The following ZBTB44 variants were observed in gnomAD, a reference collection of about 807,000 sequenced individuals.
The protein encoded by ZBTB44 is zinc finger and BTB domain containing 44, also known as zinc finger and BTB domain-containing protein 44.
ZBTB44 carries 15 observed loss-of-function variants against 54.0 expected under a neutral mutation model. That is an observed-to-expected ratio of 0.28 (90% CI 0.19 to 0.43). The LOEUF is 0.43. Ranked by LOEUF, ZBTB44 falls within the 20% of genes least tolerant of loss-of-function variation. The pLI is 1.00. For synonymous variants in ZBTB44, 230 were observed against 250.1 expected (o/e 0.92, Z 0.76); for missense variants, 487 against 707.1 (o/e 0.69, Z 3.53).
At chr11:130,302,403 G>C (rs1942033874) in intron 1 of ZBTB44, among the ~76,000 whole-genome samples, 1 of 152,148 alleles carries the variant, frequency 6.6e-6, no homozygotes, top group African/African-American at 2.4e-5. Flanking sequence ...TGGACACAAA[G>C]ACAAAGAGAA....
At chr11:130,256,121 T>C (rs1164208253) in intron 2 of ZBTB44, among the ~76,000 whole-genome samples, 1 of 152,048 alleles carries the variant, frequency 6.6e-6, no homozygotes, top group African/African-American at 2.4e-5. Context: ...TTCCAAAACC[T>C]GGCAGAGGCA....
intron 1 of ZBTB44, among the ~76,000 whole-genome samples, chr11:130,271,972 T>C (rs963454363): frequency 1.6e-4 from 24 of 152,272 alleles, no homozygotes; most frequent in African/African-American, 5.8e-4. Flanking sequence ...GGTTCACATC[T>C]GTAATCCTAG....
At chr11:130,254,548 T>C (rs1938285317) in intron 2 of ZBTB44, among the ~76,000 whole-genome samples, 1 of 152,124 alleles carries the variant, frequency 6.6e-6, no homozygotes, top group African/African-American at 2.4e-5. Context: ...CCAGTTAGAA[T>C]GGTGATCATT....
intron 1 of ZBTB44, chr11:130,295,572 C>G: frequency 1.4e-6 from 1 of 700,110 alleles, no homozygotes. Flanking sequence ...CTCACAGGAG[C>G]ATTTGAGGAT....
chr11:130,240,166 C>A (rs1314824703), intron 2 of ZBTB44, among the ~76,000 whole-genome samples: 3 of 151,830 alleles, frequency 2.0e-5, no homozygotes, highest in Non-Finnish European at 4.4e-5. Flanking sequence ...CTCAGCCTCC[C>A]GAGTAGCTGG....
chr11:130,292,587 C>T (rs1199170690), intron 1 of ZBTB44, among the ~76,000 whole-genome samples: 1 of 152,084 alleles, frequency 6.6e-6, no homozygotes, highest in African/African-American at 2.4e-5. Context: ...ATTTACGGTG[C>T]TTATTTTTGG....
At chr11:130,275,142 T>A (rs1275729890) in intron 1 of ZBTB44, among the ~76,000 whole-genome samples, 1 of 152,192 alleles carries the variant, frequency 6.6e-6, no homozygotes, top group Non-Finnish European at 1.5e-5. Flanking sequence ...ATTTCCTTCC[T>A]TATGCCTCCT....
chr11:130,273,278 A>G (rs1361268484), intron 1 of ZBTB44, among the ~76,000 whole-genome samples: 1 of 144,882 alleles, frequency 6.9e-6, no homozygotes, highest in Non-Finnish European at 1.5e-5. Context: ...TATTCTTTTG[A>G]TGTCACCATG....
chr11:130,294,538 C>CAAAAAAAAAAA (rs11322495), intron 1 of ZBTB44, among the ~76,000 whole-genome samples: 1 of 48,630 alleles, frequency 2.1e-5, no homozygotes, highest in African/African-American at 6.9e-5. Context: ...TCTATATGAC[C>CAAAAAAAAAAA]AAAAAAAAAA....
At chr11:130,303,782 T>G (rs888595113) in intron 1 of ZBTB44, among the ~76,000 whole-genome samples, 3 of 149,484 alleles carry the variant, frequency 2.0e-5, no homozygotes, top group Admixed American at 6.7e-5. Context: ...TAATTTTAAG[T>G]TTTTTTTTTA....
chr11:130,272,632 G>A (rs1939757698), intron 1 of ZBTB44, among the ~76,000 whole-genome samples: 1 of 150,584 alleles, frequency 6.6e-6, no homozygotes, highest in Non-Finnish European at 1.5e-5. Flanking sequence ...TCATGCTTTT[G>A]GTATCGTATC....
In ZBTB44 at chr11:130,237,972, A is replaced by T. The variant is rs1954183218; in HGVS notation, c.1267+472T>A. ...TAAAAAAATACAAACTACAAAGCTG[A>T]CTCATCAGGGCACACAGAGATTTAG... On this transcript the variant is annotated intron_variant, in intron 4 of 7. Coordinates refer to ENST00000357899, the MANE Select transcript of ZBTB44 (RefSeq NM_001301098.2). Among the ~76,000 whole-genome samples the T allele has an allele frequency of 2.0e-5, 3 of 152,236 alleles. No individual in the cohort carries two copies. In the South Asian group the frequency reaches 6.2e-4, roughly 31 times the overall value.
At chr11:130,279,679 C>T (rs1363986285) in intron 1 of ZBTB44, among the ~76,000 whole-genome samples, 1 of 152,058 alleles carries the variant, frequency 6.6e-6, no homozygotes, top group African/African-American at 2.4e-5. Flanking sequence ...AACCAACCAA[C>T]CAACCAACCA....
chr11:130,239,246 G>C (rs1306538968), intron 3 of ZBTB44: 1 of 152,542 alleles, frequency 6.6e-6, no homozygotes, highest in Non-Finnish European at 1.5e-5. Flanking sequence ...TGGGAGAAAG[G>C]CTGGAGAAGC....
intron 1 of ZBTB44, among the ~76,000 whole-genome samples, chr11:130,266,660 T>C (rs974489733): frequency 6.6e-6 from 1 of 152,210 alleles, no homozygotes; most frequent in South Asian, 2.1e-4. Context: ...CCAGCCTTCA[T>C]GGATGACTTT....
Position 130,272,843 on chromosome 11 carries a change from T to C in ZBTB44, c.-56-10914A>G, listed in dbSNP as rs114447999. Among the ~76,000 whole-genome samples the C allele has an allele frequency of 6.2e-3, 939 of 152,340 alleles. 10 individuals are homozygous for C. Among genetic ancestry groups the C allele is most frequent in the African/African-American group, 0.021 (882 of 41,576 alleles). On this transcript the variant is annotated intron_variant, in intron 1 of 7. Coordinates refer to ENST00000357899, the MANE Select transcript of ZBTB44 (RefSeq NM_001301098.2). Reference sequence around the variant, plus strand: ...CGTATTCTTTTACCACTGAAAGATCTTGGCATCCTTGTTGGAAATCAGTTG... The same window carrying C: ...CGTATTCTTTTACCACTGAAAGATCCTGGCATCCTTGTTGGAAATCAGTTG...
At chr11:130,273,648 A>T (rs1469220347) in intron 1 of ZBTB44, among the ~76,000 whole-genome samples, 1 of 152,198 alleles carries the variant, frequency 6.6e-6, no homozygotes, top group East Asian at 1.9e-4. Flanking sequence ...GCAAGTGTAT[A>T]ATAAGACAAC....
chr11:130,292,682 T>C (rs1941376481), intron 1 of ZBTB44, among the ~76,000 whole-genome samples: 1 of 152,204 alleles, frequency 6.6e-6, no homozygotes, highest in Non-Finnish European at 1.5e-5. Flanking sequence ...TAAATTAGTA[T>C]TTTAAGAGTG....
intron 1 of ZBTB44, among the ~76,000 whole-genome samples, chr11:130,274,815 G>A (rs1464940516): frequency 6.6e-6 from 1 of 152,230 alleles, no homozygotes; most frequent in African/African-American, 2.4e-5. Flanking sequence ...TATTGGTCTG[G>A]AGTTTTCTTG....
Sources: allele counts gnomAD v4.1 joint callset (sites outside exome capture counted in the v4.1 genomes callset), GRCh38; gene constraint gnomAD v4.1.1; transcripts MANE v1.5; gene names NCBI Gene and HGNC (gene_info 2026-07-23, HGNC 2026-07-21).